The following SLC16A1 variants were observed in gnomAD, a reference collection of about 807,000 sequenced individuals.
SLC16A1 encodes monocarboxylate transporter 1.
SLC16A1 carries 11 observed loss-of-function variants against 32.2 expected under a neutral mutation model. That is an observed-to-expected ratio of 0.34 (90% CI 0.21 to 0.56). SLC16A1 has a LOEUF of 0.56. Among genes scored for constraint, SLC16A1 ranks in the 20% least tolerant of loss-of-function variants. The probability of loss-of-function intolerance (pLI) is 0.87; values close to 1 mark genes in which losing one functional copy is unlikely to be tolerated. For synonymous variants in SLC16A1, 231 were observed against 226.8 expected, an observed-to-expected ratio of 1.02 and a Z score of -0.17; for missense variants, 435 against 615.0, an observed-to-expected ratio of 0.71 and a Z score of 3.10.
At chr1:112,930,282 C>A (rs766981532) in intron 1 of SLC16A1, among the ~76,000 whole-genome samples, 1 of 152,054 alleles carries the variant, frequency 6.6e-6, no homozygotes, top group African/African-American at 2.4e-5. Context: ...AATTGAATTA[C>A]GGGACACCCA....
At chr1:112,945,294 C>T (rs1207004752) in intron 1 of SLC16A1, among the ~76,000 whole-genome samples, 2 of 152,006 alleles carry the variant, frequency 1.3e-5, no homozygotes, top group African/African-American at 2.4e-5. Flanking sequence ...TGTGCCTGGC[C>T]GGAAACATTT....
intron 1 of SLC16A1, among the ~76,000 whole-genome samples, chr1:112,941,196 GAATA>G (rs375190893): frequency 7.3e-5 from 11 of 149,956 alleles, no homozygotes; most frequent in South Asian, 4.2e-4. Context: ...AATAAAAGTT[GAATA>G]AATAAATAAA....
chr1:112,917,418 G>C lies in SLC16A1; in HGVS notation c.988C>G (p.Gln330Glu), dbSNP rs1006304962. 6.2e-7 allele frequency: 1 copy of C among 1,614,108 alleles called. No homozygotes were observed. Among genetic ancestry groups the C allele is most frequent in the Non-Finnish European group, 8.5e-7 (1 of 1,180,046 alleles). The part of the protein sequence containing the change: ...ANTKPIRPRI[Q>E]YFFAASVVAN... ...ACAACGGAAGCCGCAAAGAAATACT[G>C]AATTCGAGGTCTTATTGGCTTTGTG... is the stretch of plus-strand genomic sequence containing the variant. The change falls in exon 4 of 5, where the codon CAG becomes GAG. Residue 330 changes from glutamine to glutamate, a missense_variant. Physicochemically the swap from Gln to Glu is conservative, Grantham distance 29. Around this residue, in one of 2 missense-constraint regions of SLC16A1, gnomAD observed 324 missense variants for 500.3 expected, o/e 0.65. Coordinates refer to ENST00000369626, the MANE Select transcript of SLC16A1 (RefSeq NM_003051.4). This position sits in a 1 kb window ranked among gnomAD's most constrained non-coding sequence, Gnocchi z 4.1.
chr1:112,942,540 G>A (rs920365058), intron 1 of SLC16A1, among the ~76,000 whole-genome samples: 4 of 152,162 alleles, frequency 2.6e-5, no homozygotes, highest in Admixed American at 1.3e-4. Flanking sequence ...CAGCTGCCTG[G>A]CAATCAATGT....
intron 1 of SLC16A1, among the ~76,000 whole-genome samples, chr1:112,945,840 A>G (rs540214300): frequency 2.7e-5 from 4 of 150,506 alleles, no homozygotes; most frequent in Non-Finnish European, 1.5e-5. Flanking sequence ...TAAAAATACA[A>G]AATTAGCCAG....
intron 1 of SLC16A1, among the ~76,000 whole-genome samples, chr1:112,946,498 A>C (rs1228520580): frequency 6.6e-6 from 1 of 152,180 alleles, no homozygotes; most frequent in Non-Finnish European, 1.5e-5. Context: ...AATGCTTTCT[A>C]GATCTACTGC....
In SLC16A1 at chr1:112,917,341, T is replaced by C. The variant is rs1241623731; in HGVS notation, c.1065A>G (p.Gly355=). 1 of 1,614,106 alleles carries C rather than the reference T, an allele frequency of 6.2e-7. No individual in the cohort carries two copies. Among genetic ancestry groups the C allele is most frequent in the Admixed American group, 1.7e-5 (1 of 60,014 alleles). ...MLAPLSTTYV[G]FCVYAGFFGF... ...CAAAGAATCCCGCATAGACACAGAA[T>C]CCAACATAGGTAGTGGATAAAGGTG... Residue 355 remains glycine, a synonymous_variant, in exon 4 of 5, where the codon GGA becomes GGG. Coordinates refer to ENST00000369626, the MANE Select transcript of SLC16A1 (RefSeq NM_003051.4). The surrounding 1 kb of genome is among the most constrained non-coding windows in gnomAD (Gnocchi z 4.1).
At chr1:112,923,894 G>A (rs962335353) in intron 2 of SLC16A1, 1 of 1,525,944 alleles carries the variant, frequency 6.6e-7, no homozygotes, top group African/African-American at 1.4e-5. Flanking sequence ...TGAAAACGGA[G>A]CTCTTCCCCT....
Position 112,913,309 on chromosome 1 carries a change from CCTAAATATATAG to C in SLC16A1, c.*570_*581del, listed in dbSNP as rs1364657806. On this transcript the variant is annotated 3_prime_UTR_variant, in exon 5 of 5. Coordinates refer to ENST00000369626, the MANE Select transcript of SLC16A1 (RefSeq NM_003051.4). ...TGCCAAAGTTTTATGCTTTGAATTT[CCTAAATATATAG>C]CTAGCAGAAACATATGCCAGAAATC... 6.4e-6 allele frequency: 1 copy of C among 156,576 alleles called. No individual in the cohort carries two copies. Among genetic ancestry groups the C allele is most frequent in the East Asian group, 1.9e-4 (1 of 5,338 alleles). The allele number at this position is 156,576 out of a possible 1,614,324, so 9.7% of individuals were successfully genotyped here.
chr1:112,930,699 A>G (rs1033608792), intron 1 of SLC16A1, among the ~76,000 whole-genome samples: 2 of 152,030 alleles, frequency 1.3e-5, no homozygotes, highest in Non-Finnish European at 2.9e-5. Flanking sequence ...GATAACACAT[A>G]ATACATAACC....
In SLC16A1 at chr1:112,952,352, G is replaced by C. The variant is rs185730679; in HGVS notation, c.-45+3683C>G. Among the ~76,000 whole-genome samples, 321 of 152,156 alleles carry C rather than the reference G, an allele frequency of 2.1e-3. 2 individuals are homozygous for C. The highest frequency in any genetic ancestry group is 7.5e-4 in the Non-Finnish European group (51 of 67,986). On this transcript the variant is annotated intron_variant, in intron 1 of 4. Coordinates refer to ENST00000369626, the MANE Select transcript of SLC16A1 (RefSeq NM_003051.4). ...AATGACATTTGCACCAACCTTACAA[G>C]GAAAATACATTACGAGGAAAATAAT...
At chr1:112,941,081 G>T (rs1194956860) in intron 1 of SLC16A1, among the ~76,000 whole-genome samples, 2 of 151,968 alleles carry the variant, frequency 1.3e-5, no homozygotes, top group Non-Finnish European at 2.9e-5. Flanking sequence ...ACTACCTATT[G>T]GGTTCTATGC....
intron 1 of SLC16A1, among the ~76,000 whole-genome samples, chr1:112,930,806 C>A (rs931226191): frequency 6.7e-6 from 1 of 150,050 alleles, no homozygotes; most frequent in African/African-American, 2.5e-5. Flanking sequence ...CTCACTACAA[C>A]CTCTGCCTCC....
chr1:112,931,536 C>T (rs1222585496), intron 1 of SLC16A1, among the ~76,000 whole-genome samples: 2 of 149,274 alleles, frequency 1.3e-5, no homozygotes, highest in South Asian at 2.1e-4. Flanking sequence ...GTCCCAACTA[C>T]TAGGGAGGCT....
chr1:112,916,147 T>C (rs538145551), intron 4 of SLC16A1, among the ~76,000 whole-genome samples: 2 of 151,542 alleles, frequency 1.3e-5, no homozygotes, highest in East Asian at 1.9e-4. Context: ...GTAGCTATTA[T>C]TATACTACTG....
At position 112,915,776 on chromosome 1, in the gene SLC16A1, A is replaced by AGAC. The variant is rs558294433; in HGVS notation, c.1228+1401_1228+1402insGTC. On this transcript the variant is annotated intron_variant, in intron 4 of 4. Coordinates refer to ENST00000369626, the MANE Select transcript of SLC16A1 (RefSeq NM_003051.4). The stretch of plus-strand genomic sequence containing the variant: ...AGTAACTCACTGGGTATGAGATGGA[A>AGAC]GAAGACAGTGATCTCAAAAGGCAGC... 2.2e-3 allele frequency among the ~76,000 whole-genome samples: 339 copies of AGAC among 151,758 alleles called. 2 individuals carry two copies. The highest frequency in any genetic ancestry group is 0.02 in the South Asian group (95 of 4,792).
At chr1:112,924,401 C>T in intron 2 of SLC16A1, 3 of 1,109,784 alleles carry the variant, frequency 2.7e-6, no homozygotes, top group East Asian at 2.4e-5. Flanking sequence ...GTTTCTCACA[C>T]TTTCTTTAAT....
At chr1:112,924,445 A>C in intron 2 of SLC16A1, 1 of 857,088 alleles carries the variant, frequency 1.2e-6, no homozygotes, top group South Asian at 1.5e-5. Context: ...TAGGGATGGA[A>C]GTATTTGGAC....
At chr1:112,918,903 G>C (rs1648611603) in intron 3 of SLC16A1, among the ~76,000 whole-genome samples, 1 of 152,098 alleles carries the variant, frequency 6.6e-6, no homozygotes. Context: ...CTCCAATTGT[G>C]AAACTTTCCT....
Sources: allele counts gnomAD v4.1 joint callset (sites outside exome capture counted in the v4.1 genomes callset), GRCh38; gene constraint gnomAD v4.1.1; regional missense constraint gnomAD v4.1.1; non-coding constraint Gnocchi (gnomAD v3.1); transcripts MANE v1.5; gene names NCBI Gene and HGNC (gene_info 2026-07-23, HGNC 2026-07-21).